Variants in CDAN1 observed in about 807,000 individuals in gnomAD.
CDAN1 encodes the protein codanin-1.
Under a neutral mutation model 139.8 loss-of-function variants are expected in CDAN1, and 107 were observed. The observed-to-expected ratio is 0.77, with a 90% confidence interval of 0.65 to 0.90. CDAN1 has a LOEUF of 0.90. Ranked by LOEUF, CDAN1 falls within the 40% of genes least tolerant of loss-of-function variation. The pLI, the probability that CDAN1 is intolerant of heterozygous loss-of-function variation, is 0.00. For synonymous variants in CDAN1, 776 were observed against 660.6 expected (o/e 1.17, Z -2.68); for missense variants, 1,667 against 1,575.7 (o/e 1.06, Z -0.98).
chr15:42,728,273 A>C lies in CDAN1; in HGVS notation c.2805-6T>G. ...GGCTCTTCCTTTGACAGAACCTAAA[A>C]GGGGACAGATGGGGTCAGTGATCTC... is the stretch of plus-strand genomic sequence containing the variant. On this transcript the variant is annotated splice_polypyrimidine_tract_variant and splice_region_variant and intron_variant, in intron 20 of 27. Transcript: ENST00000356231. 1 of 1,613,872 alleles carries C rather than the reference A, an allele frequency of 6.2e-7. No homozygotes were observed. Among genetic ancestry groups the C allele is most frequent in the Non-Finnish European group, 8.5e-7 (1 of 1,179,882 alleles).
intron 10 of CDAN1, 138 bp downstream of exon 10, chr15:42,732,195 C>G: frequency 1.2e-6 from 1 of 850,294 alleles, no homozygotes; most frequent in Non-Finnish European, 2.0e-6. Context: ...TCAGCCACTC[C>G]GCGAGGAGTA....
intron 11 of CDAN1, 52 bp from the exon 12 acceptor site, chr15:42,731,383 G>GC: frequency 6.2e-7 from 1 of 1,610,634 alleles, no homozygotes; most frequent in Non-Finnish European, 8.5e-7. Flanking sequence ...TACAGGAAAA[G>GC]CCAGAATCGA....
intron 20 of CDAN1, 68 bp downstream of exon 20, chr15:42,728,584 G>C: frequency 2.5e-6 from 4 of 1,588,604 alleles, no homozygotes; most frequent in Non-Finnish European, 3.5e-6. Flanking sequence ...AAGAGTAAGT[G>C]TGAAGGAGGA....
At position 42,726,299 on chromosome 15, in the gene CDAN1, C is replaced by T; in HGVS notation, c.3204+11G>A. The stretch of plus-strand genomic sequence containing the variant: ...GAAAAAAGCCCCCCGGTGGCAGATG[C>T]CACAGCTCACCTGGCGGCACCGCAG... On this transcript the variant is annotated intron_variant, in intron 24 of 27. Coordinates refer to ENST00000356231, the MANE Select transcript of CDAN1 (RefSeq NM_138477.4). The T allele has an allele frequency of 6.3e-7, 1 of 1,587,150 alleles. No homozygotes were observed. The highest frequency in any genetic ancestry group is 1.3e-5 in the African/African-American group (1 of 74,552).
rs747575368 is a variant in CDAN1 at position 42,727,803 on chromosome 15, C to T, written c.2948-34G>A. 2.4e-5 allele frequency: 39 copies of T among 1,609,386 alleles called. No homozygotes were observed. The African/African-American group carries it at 2.8e-4, about 12-fold the overall frequency. On this transcript the variant is annotated intron_variant, in intron 22 of 27. Coordinates refer to ENST00000356231, the MANE Select transcript of CDAN1 (RefSeq NM_138477.4). ...CAGAGGGAGAATGGGAAAGGAATCA[C>T]GGGAGGGCCCTGCACAGGTTCACCA...
intron 27 of CDAN1, 55 bp downstream of exon 27, chr15:42,725,089 G>A: frequency 7.0e-7 from 1 of 1,433,436 alleles, no homozygotes; most frequent in South Asian, 1.2e-5. Flanking sequence ...TTTCAGGACA[G>A]ATGGGATATG....
chr15:42,725,323 C>CA, intron 26 of CDAN1, 72 bp from the exon 27 acceptor site: 1 of 1,516,914 alleles, frequency 6.6e-7, no homozygotes, highest in South Asian at 1.1e-5. Context: ...ATTGAGATCT[C>CA]AAAGGGCAGA....
chr15:42,729,037 A>G lies in CDAN1; in HGVS notation c.2631T>C (p.Cys877=), dbSNP rs1566982065. 12 of 1,614,166 alleles carry G rather than the reference A, an allele frequency of 7.4e-6. No homozygotes were observed. Among genetic ancestry groups the G allele is most frequent in the Non-Finnish European group, 1.0e-5 (12 of 1,180,006 alleles). ...EFVAERIGSN[C]VKHIKATLVA... ...CCCACTCTTACTTGATATGTTTGAC[A>G]CAGTTTGATCCAATTCTTTCTGCCA... The change falls in exon 19 of 28, where the codon TGT becomes TGC. Residue 877 remains cysteine, a synonymous_variant. Transcript: ENST00000356231.
In CDAN1 at chr15:42,735,585, G is replaced by A. The variant is rs2061676953; in HGVS notation, c.868C>T (p.Pro290Ser). The A allele has an allele frequency of 4.3e-6, 7 of 1,614,230 alleles. No individual in the cohort carries two copies. The highest frequency in any genetic ancestry group is 5.9e-6 in the Non-Finnish European group (7 of 1,180,038). Residue 290 changes from proline to serine, a missense_variant, in exon 4 of 28, where the codon CCT becomes TCT. Pro to Ser is a moderately conservative substitution (Grantham distance 74). Transcript: ENST00000356231. ...GAAGACACTCTGGCAGGGTCTGCAG[G>A]TTCATCTGTGAGGCTTCCTGTCCGG... ...PSRTGSLTDE[P>S]ADPARVSSRQ... is the part of the protein sequence containing the mutation.
chr15:42,737,048 C>G lies in CDAN1; in HGVS notation c.55G>C (p.Val19Leu), dbSNP rs1299841033. 1.3e-6 allele frequency: 2 copies of G among 1,545,300 alleles called. No homozygotes were observed. The highest frequency in any genetic ancestry group is 2.0e-5 in the Admixed American group (1 of 51,264). ...LREEVSVAAV[V>L]RWIARSTQGS... Reference sequence around the variant, plus strand: ...TGGGTGCTGCGCGCGATCCACCGCACGACGGCTGCGACCGACACCTCTTCT... The same window carrying G: ...TGGGTGCTGCGCGCGATCCACCGCAGGACGGCTGCGACCGACACCTCTTCT... The change falls in exon 1 of 28, where the codon GTG becomes CTG. Residue 19 changes from valine to leucine, a missense_variant. Coordinates refer to ENST00000356231, the MANE Select transcript of CDAN1 (RefSeq NM_138477.4).
intron 26 of CDAN1, 109 bp downstream of exon 26, chr15:42,725,380 G>T: frequency 6.7e-7 from 1 of 1,499,054 alleles, no homozygotes; most frequent in Non-Finnish European, 9.3e-7. Context: ...CCATTTCTGT[G>T]TGGAACAGGA....
Position 42,735,388 on chromosome 15 carries a change from AAAAG to A in CDAN1, c.944-18_944-15del, listed in dbSNP as rs1309809479. 31 of 1,597,042 alleles carry A rather than the reference AAAAG, an allele frequency of 1.9e-5. No individual in the cohort carries two copies. Among genetic ancestry groups the A allele is most frequent in the Non-Finnish European group, 2.3e-5 (27 of 1,170,610 alleles). ...GTACCAGGTTCTCTAGATAGATACAAAAAGAAAGCCCATGGTATGGGCACCATTT... is the reference window on the plus strand; with the variant it reads ...GTACCAGGTTCTCTAGATAGATACAAAAAGCCCATGGTATGGGCACCATTT... On this transcript the variant is annotated splice_polypyrimidine_tract_variant and intron_variant, in intron 4 of 27. Coordinates refer to ENST00000356231, the MANE Select transcript of CDAN1 (RefSeq NM_138477.4).
rs767149931 is a variant in CDAN1 at position 42,731,280 on chromosome 15, C to CCAGGGCAAGA, written c.1790_1791insTCTTGCCCTG (p.Glu597AspfsTer14). 6.2e-6 allele frequency: 10 copies of CCAGGGCAAGA among 1,614,058 alleles called. No individual in the cohort carries two copies. Among genetic ancestry groups the CCAGGGCAAGA allele is most frequent in the Non-Finnish European group, 8.5e-6 (10 of 1,180,046 alleles). On this transcript the variant is annotated frameshift_variant, in exon 12 of 28. Coordinates refer to ENST00000356231, the MANE Select transcript of CDAN1 (RefSeq NM_138477.4). LOFTEE classifies it high-confidence loss of function. Reference sequence around the variant, plus strand: ...GCTGGGGCAGGGCAAGACCATTGAGCTCCTGGATCTTCAAGCTCAGACTGT... The same window carrying CCAGGGCAAGA: ...GCTGGGGCAGGGCAAGACCATTGAGCCAGGGCAAGATCCTGGATCTTCAAGCTCAGACTGT...
Position 42,729,789 on chromosome 15 carries a change from C to T in CDAN1, c.2352+7G>A. 6.2e-7 allele frequency: 1 copy of T among 1,612,100 alleles called. No homozygotes were observed. Among genetic ancestry groups the T allele is most frequent in the Non-Finnish European group, 8.5e-7 (1 of 1,178,544 alleles). Reference sequence around the variant, plus strand: ...TCCCATGGCTCTGGCGGAACCCCAGCACTCACCAAGCCATGCTCTGGGGCT... The same window carrying T: ...TCCCATGGCTCTGGCGGAACCCCAGTACTCACCAAGCCATGCTCTGGGGCT... On this transcript the variant is annotated splice_region_variant and intron_variant, in intron 16 of 27. Transcript: ENST00000356231.
intron 3 of CDAN1, 24 bp from the exon 4 acceptor site, chr15:42,735,703 A>G: frequency 6.2e-7 from 1 of 1,613,322 alleles, no homozygotes; most frequent in Admixed American, 1.7e-5. Context: ...AAATTTCATG[A>G]GCAGTCAGCT....
chr15:42,724,316 C>G lies in CDAN1; in HGVS notation c.*175G>C. On this transcript the variant is annotated 3_prime_UTR_variant, in exon 28 of 28. Transcript: ENST00000356231. ...ATCCCAAATCAGGCCAACTCTCCTT[C>G]CTCTAGGATTCGCGTGGTGGGATGC... 2 of 807,694 alleles carry G rather than the reference C, an allele frequency of 2.5e-6. No individual in the cohort carries two copies. Among genetic ancestry groups the G allele is most frequent in the South Asian group, 3.2e-5 (2 of 63,138 alleles). 50.0% of individuals were successfully genotyped at this position (807,694 alleles called of 1,614,324 possible).
In CDAN1 at chr15:42,733,116, CCTT is replaced by C; in HGVS notation, c.1435_1437del (p.Lys479del). On this transcript the variant is annotated inframe_deletion, in exon 9 of 28. Coordinates refer to ENST00000356231, the MANE Select transcript of CDAN1 (RefSeq NM_138477.4). ...ACCCACCTGATTCTGCTGCCCAAGC[CCTT>C]CTCAAAATCCCAGCCAGGCTCCTCA... 6.2e-7 allele frequency: 1 copy of C among 1,614,060 alleles called. No homozygotes were observed. Among genetic ancestry groups the C allele is most frequent in the Non-Finnish European group, 8.5e-7 (1 of 1,179,984 alleles).
chr15:42,730,191 A>T lies in CDAN1; in HGVS notation c.2199T>A (p.Ser733Arg). 6.2e-7 allele frequency: 1 copy of T among 1,613,704 alleles called. No individual in the cohort carries two copies. The highest frequency in any genetic ancestry group is 1.1e-5 in the South Asian group (1 of 91,038). ...LHRSLVLSQE[S>R]EGKMCFLNKL... The stretch of plus-strand genomic sequence containing the variant: ...TGTTCAGGAAACACATCTTCCCCTC[A>T]CTCTCCTGCGACAACACCAAGCTCC... Residue 733 changes from serine to arginine, a missense_variant, in exon 15 of 28, where the codon AGT becomes AGA. Coordinates refer to ENST00000356231, the MANE Select transcript of CDAN1 (RefSeq NM_138477.4).
chr15:42,724,450 G>C lies in CDAN1; in HGVS notation c.*41C>G, dbSNP rs1357000079. 6.4e-7 allele frequency: 1 copy of C among 1,564,462 alleles called. No individual in the cohort carries two copies. Among genetic ancestry groups the C allele is most frequent in the Non-Finnish European group, 8.7e-7 (1 of 1,154,340 alleles). On this transcript the variant is annotated 3_prime_UTR_variant, in exon 28 of 28. Transcript: ENST00000356231. ...GGCCTCCTCGTGAGGCGGGGGTCCA[G>C]GGTTCTGGTGCAATGCCCAAGGCAG...
Sources: gnomAD v4.1 joint callset for allele counts on GRCh38, gnomAD v4.1.1 for gene constraint, MANE v1.5 for transcripts, NCBI Gene and HGNC (gene_info 2026-07-23, HGNC 2026-07-21) for gene names.